The following CNTN4 variants were observed in gnomAD, a reference collection of about 807,000 sequenced individuals.
CNTN4 encodes contactin-4.
Under a neutral mutation model 122.5 loss-of-function variants are expected in CNTN4, and 77 were observed. The observed-to-expected ratio is 0.63, with a 90% CI of 0.52 to 0.76. The LOEUF (loss-of-function observed/expected upper bound fraction) is 0.76, where lower values mean the gene tolerates loss of function less well. Ranked by LOEUF, CNTN4 falls within the 30% of genes least tolerant of loss-of-function variation. The probability of loss-of-function intolerance (pLI) is 0.00; values close to 1 mark genes in which losing one functional copy is unlikely to be tolerated. For missense variants in CNTN4, 1,256 were observed against 1,259.1 expected (o/e 1.00, Z 0.04); for synonymous variants, 512 against 447.0 (o/e 1.15, Z -1.83).
At chr3:2,498,325 A>G (rs1284405295) in intron 3 of CNTN4, among the ~76,000 whole-genome samples, 3 of 152,186 alleles carry the variant, frequency 2.0e-5, no homozygotes, top group Non-Finnish European at 2.9e-5. Flanking sequence ...CAGTTCAGTT[A>G]TTTTAGAAAT....
intron 5 of CNTN4, among the ~76,000 whole-genome samples, chr3:2,744,714 G>T (rs187620965): frequency 6.8e-4 from 104 of 152,268 alleles, no homozygotes; most frequent in African/African-American, 2.2e-3. Context: ...GAATGGTATT[G>T]GTTGTAAAAT....
chr3:2,342,470 A>C (rs1262182878), intron 3 of CNTN4, among the ~76,000 whole-genome samples: 4 of 152,212 alleles, frequency 2.6e-5, no homozygotes, highest in Non-Finnish European at 4.4e-5. Flanking sequence ...ATATTATATG[A>C]TTCCATGTTG....
intron 2 of CNTN4, among the ~76,000 whole-genome samples, chr3:2,110,798 G>C (rs1383975464): frequency 3.3e-5 from 5 of 152,144 alleles, no homozygotes; most frequent in Non-Finnish European, 1.5e-5. Context: ...ACTGTTCTCA[G>C]CTTTACCTCT....
intron 12 of CNTN4, among the ~76,000 whole-genome samples, chr3:2,911,131 G>T (rs1477357633): frequency 3.3e-5 from 5 of 152,088 alleles, no homozygotes; most frequent in Non-Finnish European, 5.9e-5. Flanking sequence ...TAAGGGAGTG[G>T]TTTCCGTTTT....
At position 3,033,428 on chromosome 3, in the gene CNTN4, C is replaced by T. The variant is rs10470661; in HGVS notation, c.1784-1204C>T. Reference sequence around the variant, plus strand: ...AAAGGAAAGGGAATTTAGGGCATCACGTAAACGGTGAAGGAGTGAATCCTA... The same window carrying T: ...AAAGGAAAGGGAATTTAGGGCATCATGTAAACGGTGAAGGAGTGAATCCTA... On this transcript the variant is annotated intron_variant, in intron 16 of 24. Transcript: ENST00000418658. 3.3e-3 allele frequency among the ~76,000 whole-genome samples: 501 copies of T among 152,302 alleles called. 2 individuals carry two copies. The highest frequency in any genetic ancestry group is 0.012 in the African/African-American group (482 of 41,566).
At chr3:2,990,657 G>C (rs1407952374) in intron 14 of CNTN4, among the ~76,000 whole-genome samples, 1 of 152,146 alleles carries the variant, frequency 6.6e-6, no homozygotes, top group East Asian at 1.9e-4. Context: ...GATCCCTGCT[G>C]CTCATCTTAC....
chr3:2,646,199 A>C (rs1467907114), intron 4 of CNTN4, among the ~76,000 whole-genome samples: 1 of 152,096 alleles, frequency 6.6e-6, no homozygotes, highest in African/African-American at 2.4e-5. Flanking sequence ...TGGATCCAAC[A>C]ATAGAAGATG....
At chr3:2,172,864 G>A (rs919672655) in intron 2 of CNTN4, among the ~76,000 whole-genome samples, 17 of 152,162 alleles carry the variant, frequency 1.1e-4, no homozygotes, top group Admixed American at 1.1e-3. Context: ...ATGAGAAAGA[G>A]AGATTGTGAA....
intron 6 of CNTN4, among the ~76,000 whole-genome samples, chr3:2,763,250 T>G (rs573761731): frequency 6.6e-6 from 1 of 152,286 alleles, no homozygotes; most frequent in Non-Finnish European, 1.5e-5. Flanking sequence ...CAGCTGATGT[T>G]GAGCTTTTTT....
intron 3 of CNTN4, among the ~76,000 whole-genome samples, chr3:2,341,810 T>A (rs1252036622): frequency 6.6e-6 from 1 of 152,226 alleles, no homozygotes; most frequent in Admixed American, 6.5e-5. Flanking sequence ...AATGATTTTT[T>A]AAATTCTCCT....
chr3:2,878,419 CT>C (rs1475133881), intron 8 of CNTN4, among the ~76,000 whole-genome samples: 1 of 152,158 alleles, frequency 6.6e-6, no homozygotes, highest in African/African-American at 2.4e-5. Context: ...CTTTTCCTCC[CT>C]TCAACAAATC....
Position 2,895,809 on chromosome 3 carries a change from C to G in CNTN4, c.941-4876C>G, listed in dbSNP as rs56088573. Among the ~76,000 whole-genome samples, 1,158 of 152,182 alleles carry G rather than the reference C, an allele frequency of 7.6e-3. 22 individuals are homozygous for G. The highest frequency in any genetic ancestry group is 0.026 in the African/African-American group (1,087 of 41,544). Reference sequence around the variant, plus strand: ...CAGCACTTTGGGAGGCCGAGGCGGGCGGATCACAAGGTCAGGAGATCGAGA... The same window carrying G: ...CAGCACTTTGGGAGGCCGAGGCGGGGGGATCACAAGGTCAGGAGATCGAGA... On this transcript the variant is annotated intron_variant, in intron 10 of 24. Coordinates refer to ENST00000418658, the MANE Select transcript of CNTN4 (RefSeq NM_175607.3).
intron 4 of CNTN4, among the ~76,000 whole-genome samples, chr3:2,710,257 C>A (rs1459081693): frequency 1.3e-5 from 2 of 152,140 alleles, no homozygotes; most frequent in Non-Finnish European, 2.9e-5. Flanking sequence ...TGGCACCCAT[C>A]CTGTATAGGA....
intron 4 of CNTN4, among the ~76,000 whole-genome samples, chr3:2,590,116 C>T (rs1436986189): frequency 6.6e-6 from 1 of 152,204 alleles, no homozygotes; most frequent in Non-Finnish European, 1.5e-5. Context: ...TCAGTTCTTA[C>T]CTACACAACA....
At chr3:2,951,884 G>A (rs777031680) in intron 13 of CNTN4, among the ~76,000 whole-genome samples, 17 of 152,196 alleles carry the variant, frequency 1.1e-4, no homozygotes, top group Non-Finnish European at 4.4e-5. Flanking sequence ...AAACTAGCCT[G>A]TGTGTCATGG....
chr3:2,854,645 A>T (rs2093598984), intron 7 of CNTN4, among the ~76,000 whole-genome samples: 1 of 152,136 alleles, frequency 6.6e-6, no homozygotes, highest in South Asian at 2.1e-4. Context: ...CAGTTGTCTG[A>T]ATTTTAGATC....
chr3:3,021,318 T>C (rs1180208113), intron 14 of CNTN4, among the ~76,000 whole-genome samples: 2 of 152,184 alleles, frequency 1.3e-5, no homozygotes, highest in East Asian at 1.9e-4. Context: ...AATGTTGAAA[T>C]TCATCCGTAG....
chr3:2,846,257 T>G (rs2093454245), intron 7 of CNTN4, among the ~76,000 whole-genome samples: 1 of 152,168 alleles, frequency 6.6e-6, no homozygotes, highest in Non-Finnish European at 1.5e-5. Flanking sequence ...AGGAGGTAAT[T>G]AAATCATAGG....
chr3:2,495,889 G>A (rs2076440111), intron 3 of CNTN4, among the ~76,000 whole-genome samples: 1 of 152,124 alleles, frequency 6.6e-6, no homozygotes, highest in African/African-American at 2.4e-5. Flanking sequence ...CTCCAAATTG[G>A]ATCCAGGTTT....
Sources: gnomAD v4.1 joint callset for allele counts (sites outside exome capture counted in the v4.1 genomes callset) on GRCh38, gnomAD v4.1.1 for gene constraint, MANE v1.5 for transcripts, NCBI Gene and HGNC (gene_info 2026-07-23, HGNC 2026-07-21) for gene names.